TRPM3: variants seen among roughly 807,000 people sequenced by gnomAD.
TRPM3 encodes long transient receptor potential channel 3.
In TRPM3, 77 loss-of-function variants were observed where a neutral mutation model predicts 181.2. The ratio of observed to expected loss-of-function variants is 0.42; its 90% confidence interval spans 0.35 to 0.51. The LOEUF (loss-of-function observed/expected upper bound fraction) is 0.51, where lower values mean the gene tolerates loss of function less well. Among genes scored for constraint, TRPM3 ranks in the 20% least tolerant of loss-of-function variants. The probability of loss-of-function intolerance (pLI) is 0.01; values close to 1 mark genes in which losing one functional copy is unlikely to be tolerated. For synonymous variants in TRPM3, 745 were observed against 796.4 expected (o/e 0.94, Z 1.09); for missense variants, 1,759 against 2,196.7 (o/e 0.80, Z 3.98).
intron 1 of TRPM3, among the ~76,000 whole-genome samples, chr9:71,400,819 T>G (rs936870553): frequency 6.6e-6 from 1 of 151,904 alleles, no homozygotes; most frequent in Admixed American, 6.6e-5. Context: ...CCAGAAATTT[T>G]AATGACACAG....
Position 70,535,472 on chromosome 9 carries a change from G to A in TRPM3, c.*481C>T. ...ATGCTCTTCATCAGTCACCAGTGATGGAGCCAATGTGAAAAGAAAACAGAA... is the reference window on the plus strand; with the variant it reads ...ATGCTCTTCATCAGTCACCAGTGATAGAGCCAATGTGAAAAGAAAACAGAA... On this transcript the variant is annotated 3_prime_UTR_variant, in exon 26 of 26. Transcript: ENST00000677713. 5 of 1,550,516 alleles carry A rather than the reference G, an allele frequency of 3.2e-6. No homozygotes were observed. The highest frequency in any genetic ancestry group is 4.4e-6 in the Non-Finnish European group (5 of 1,146,992).
At position 70,541,960 on chromosome 9, in the gene TRPM3, G is replaced by A. The variant is rs1261379447; in HGVS notation, c.3708-4555C>T. 2.6e-5 allele frequency among the ~76,000 whole-genome samples: 4 copies of A among 152,196 alleles called. No individual in the cohort carries two copies. In the South Asian group the frequency reaches 6.2e-4, roughly 24 times the overall value. ...CAACATGAGGAGACATGGTTTCTAC[G>A]AAAATAAAAAATTAGCTGGGTGTGC... On this transcript the variant is annotated intron_variant, in intron 25 of 25. Coordinates refer to ENST00000677713, the MANE Select transcript of TRPM3 (RefSeq NM_001366145.2).
At chr9:71,297,087 G>C (rs1372868971) in intron 1 of TRPM3, among the ~76,000 whole-genome samples, 1 of 150,132 alleles carries the variant, frequency 6.7e-6, no homozygotes, top group Admixed American at 6.7e-5. Flanking sequence ...CGCCTCCTGG[G>C]TTCAAGCAAT....
chr9:70,535,336 A>G lies in TRPM3; in HGVS notation c.*617T>C. 7.2e-7 allele frequency: 1 copy of G among 1,383,166 alleles called. No homozygotes were observed. The highest frequency in any genetic ancestry group is 2.0e-5 in the Admixed American group (1 of 50,222). 85.7% of individuals were successfully genotyped at this position (1,383,166 alleles called of 1,614,324 possible). ...ATAGATAAGAGACAGGTGAACTATG[A>G]CTGTTACCTTGTTTTTTCTTTATAA... On this transcript the variant is annotated 3_prime_UTR_variant, in exon 26 of 26. Coordinates refer to ENST00000677713, the MANE Select transcript of TRPM3 (RefSeq NM_001366145.2).
intron 1 of TRPM3, among the ~76,000 whole-genome samples, chr9:71,188,546 G>T (rs1293856939): frequency 2.0e-5 from 3 of 151,770 alleles, no homozygotes; most frequent in African/African-American, 7.3e-5. Context: ...TTATAATGTT[G>T]CATCATAGAA....
At chr9:70,860,714 T>G (rs891357908) in intron 3 of TRPM3, among the ~76,000 whole-genome samples, 1 of 152,204 alleles carries the variant, frequency 6.6e-6, no homozygotes, top group Admixed American at 6.5e-5. Context: ...TGCATCCAAA[T>G]GAGTGTCTTT....
chr9:71,094,005 A>G (rs1334404549), intron 1 of TRPM3, among the ~76,000 whole-genome samples: 1 of 142,788 alleles, frequency 7.0e-6, no homozygotes, highest in Non-Finnish European at 1.5e-5. Context: ...CAAACACCAC[A>G]TGTTCTCACT....
intron 1 of TRPM3, among the ~76,000 whole-genome samples, chr9:71,386,324 G>T (rs62545039): frequency 0.013 from 1,977 of 151,636 alleles, 45 homozygotes; most frequent in African/African-American, 0.046. Flanking sequence ...CGGTGCACGC[G>T]TGTAGTCCCA....
chr9:70,616,457 T>C (rs529484602), intron 17 of TRPM3, among the ~76,000 whole-genome samples: 1 of 151,604 alleles, frequency 6.6e-6, no homozygotes, highest in South Asian at 2.1e-4. Context: ...CATTTAGCCA[T>C]TAGACAGCGC....
At chr9:71,275,552 G>A (rs2084136910) in intron 1 of TRPM3, among the ~76,000 whole-genome samples, 1 of 152,016 alleles carries the variant, frequency 6.6e-6, no homozygotes, top group Admixed American at 6.6e-5. Context: ...TATATATGGA[G>A]CCTAACAAAC....
chr9:70,607,594 C>T (rs537392881), intron 19 of TRPM3, among the ~76,000 whole-genome samples: 7 of 152,124 alleles, frequency 4.6e-5, no homozygotes, highest in South Asian at 4.2e-4. Flanking sequence ...AGCAAAGCAG[C>T]GTGTCTCAAG....
At chr9:70,547,467 A>T (rs138283879) in intron 25 of TRPM3, among the ~76,000 whole-genome samples, 1 of 147,156 alleles carries the variant, frequency 6.8e-6, no homozygotes, top group East Asian at 2.1e-4. Context: ...TGTGCATCCC[A>T]TGGTGTTTCT....
intron 8 of TRPM3, among the ~76,000 whole-genome samples, chr9:70,743,629 A>T (rs1160773790): frequency 6.6e-6 from 1 of 151,934 alleles, no homozygotes; most frequent in Non-Finnish European, 1.5e-5. Flanking sequence ...ACTGGAATGG[A>T]GAGACTAGGG....
chr9:71,231,402 G>C (rs746036981), intron 1 of TRPM3, among the ~76,000 whole-genome samples: 20 of 152,158 alleles, frequency 1.3e-4, no homozygotes, highest in Middle Eastern at 3.2e-3. Context: ...ACCACACCAA[G>C]AATACTGGTG....
intron 1 of TRPM3, among the ~76,000 whole-genome samples, chr9:71,323,352 G>T (rs1269546089): frequency 1.3e-5 from 2 of 152,038 alleles, no homozygotes; most frequent in East Asian, 3.9e-4. Context: ...TCTTACTGTA[G>T]AACTTTTTAT....
At chr9:70,667,359 T>A (rs1277303022) in intron 9 of TRPM3, among the ~76,000 whole-genome samples, 1 of 152,182 alleles carries the variant, frequency 6.6e-6, no homozygotes, top group Non-Finnish European at 1.5e-5. Context: ...CTCCTTCCAG[T>A]CTTTTGCCTG....
chr9:71,179,300 G>A (rs781412250), intron 1 of TRPM3, among the ~76,000 whole-genome samples: 5 of 152,022 alleles, frequency 3.3e-5, no homozygotes, highest in East Asian at 1.9e-4. Context: ...TTATTAAAAC[G>A]GGCAGGGAAA....
intron 14 of TRPM3, among the ~76,000 whole-genome samples, chr9:70,621,486 C>T (rs1004547261): frequency 6.6e-5 from 10 of 151,988 alleles, no homozygotes; most frequent in Admixed American, 3.9e-4. Context: ...TACTTCAGTG[C>T]CCCACGTAGC....
intron 9 of TRPM3, among the ~76,000 whole-genome samples, chr9:70,643,232 G>A (rs913791119): frequency 6.6e-6 from 1 of 152,214 alleles, no homozygotes; most frequent in African/African-American, 2.4e-5. Flanking sequence ...AGGAAAAGAA[G>A]TGAAGGCTCA....
Sources: gnomAD v4.1 joint callset for allele counts (sites outside exome capture counted in the v4.1 genomes callset) on GRCh38, gnomAD v4.1.1 for gene constraint, MANE v1.5 for transcripts, NCBI Gene and HGNC (gene_info 2026-07-23, HGNC 2026-07-21) for gene names.